The following IL1RAPL2 variants were observed in gnomAD, a reference collection of about 807,000 sequenced individuals.
IL1RAPL2 encodes X-linked interleukin-1 receptor accessory protein-like 2.
In IL1RAPL2, 3 loss-of-function variants were observed where a neutral mutation model predicts 44.1. The observed-to-expected ratio is 0.07, with a 90% CI of 0.03 to 0.18. The LOEUF (loss-of-function observed/expected upper bound fraction) is 0.18, where lower values mean the gene tolerates loss of function less well. Ranked by LOEUF, IL1RAPL2 falls within the 10% of genes least tolerant of loss-of-function variation. IL1RAPL2 has a pLI of 1.00. For missense variants in IL1RAPL2, 391 were observed against 496.4 expected (o/e 0.79, Z 2.02); for synonymous variants, 181 against 178.8 (o/e 1.01, Z -0.10).
At chrX:105,069,313 G>A (rs372355844) in intron 2 of IL1RAPL2, among the ~76,000 whole-genome samples, 6 of 112,566 alleles carry the variant, frequency 5.3e-5, no homozygotes, top group African/African-American at 1.9e-4. Context: ...AAAATATTAA[G>A]TGAATAAAAA....
chrX:105,085,541 C>T (rs1340070912), intron 2 of IL1RAPL2, among the ~76,000 whole-genome samples: 1 of 112,145 alleles, frequency 8.9e-6, no homozygotes, highest in Admixed American at 9.5e-5. Context: ...CAAGGGTGTA[C>T]AGAAAAGAGA....
intron 5 of IL1RAPL2, among the ~76,000 whole-genome samples, chrX:105,349,849 A>G (rs751284607): frequency 1.5e-3 from 170 of 111,889 alleles, no homozygotes; most frequent in South Asian, 3.4e-3. Context: ...TGTGGTTTAG[A>G]TATGATGAAC....
chrX:105,281,553 T>G (rs1457398442), intron 5 of IL1RAPL2, among the ~76,000 whole-genome samples: 1 of 112,065 alleles, frequency 8.9e-6, no homozygotes, highest in African/African-American at 3.2e-5. Flanking sequence ...TCCCATAAGA[T>G]TATAATACTG....
chrX:105,180,616 A>G (rs1209601016), intron 2 of IL1RAPL2, among the ~76,000 whole-genome samples: 2 of 111,838 alleles, frequency 1.8e-5, no homozygotes, highest in Non-Finnish European at 3.8e-5. Flanking sequence ...TTTGTCCTTC[A>G]GTCTGTTGAT....
At chrX:105,131,189 A>G (rs960647215) in intron 2 of IL1RAPL2, among the ~76,000 whole-genome samples, 1 of 110,408 alleles carries the variant, frequency 9.1e-6, no homozygotes, top group Admixed American at 9.7e-5. Flanking sequence ...TCTTAGCTTC[A>G]GTGTTGGAGA....
chrX:105,584,240 C>G (rs1048541488), intron 6 of IL1RAPL2, among the ~76,000 whole-genome samples: 2 of 111,510 alleles, frequency 1.8e-5, no homozygotes, highest in African/African-American at 6.5e-5. Context: ...GTCTATCTCT[C>G]TTTTCCATTC....
At chrX:105,529,674 A>G (rs1457194363) in intron 6 of IL1RAPL2, among the ~76,000 whole-genome samples, 2 of 111,809 alleles carry the variant, frequency 1.8e-5, no homozygotes. Flanking sequence ...ACTACCATCC[A>G]TCTCTAGAAT....
chrX:104,913,243 T>C (rs1924302463), intron 2 of IL1RAPL2, among the ~76,000 whole-genome samples: 1 of 111,569 alleles, frequency 9.0e-6, no homozygotes, highest in Non-Finnish European at 1.9e-5. Flanking sequence ...TCTAAGACTT[T>C]AAAATAATTC....
intron 6 of IL1RAPL2, among the ~76,000 whole-genome samples, chrX:105,636,621 G>A (rs1316579661): frequency 9.0e-6 from 1 of 111,281 alleles, no homozygotes; most frequent in African/African-American, 3.3e-5. Flanking sequence ...GCCAGGTTCT[G>A]TGCTACACAC....
intron 6 of IL1RAPL2, among the ~76,000 whole-genome samples, chrX:105,640,250 A>G (rs2037554544): frequency 9.1e-6 from 1 of 110,175 alleles, no homozygotes; most frequent in South Asian, 3.9e-4. Context: ...ATGAATTAGC[A>G]AAAAAGTTAG....
At chrX:105,044,276 A>C (rs1181230744) in intron 2 of IL1RAPL2, among the ~76,000 whole-genome samples, 1 of 111,293 alleles carries the variant, frequency 9.0e-6, no homozygotes, top group Non-Finnish European at 1.9e-5. Flanking sequence ...GGCCTACCAG[A>C]TCCTCCCAAG....
intron 7 of IL1RAPL2, 77 bp from the exon 8 acceptor site, chrX:105,740,469 G>A: frequency 9.8e-7 from 1 of 1,023,835 alleles, no homozygotes; most frequent in Non-Finnish European, 1.4e-6. Flanking sequence ...TGAGCTGTGT[G>A]ACCATCTGTA....
At chrX:104,916,703 G>A (rs1180640020) in intron 2 of IL1RAPL2, among the ~76,000 whole-genome samples, 4 of 111,292 alleles carry the variant, frequency 3.6e-5, no homozygotes, top group Non-Finnish European at 5.7e-5. Flanking sequence ...TTGGCTGTGG[G>A]TTTGTCACAG....
At position 104,611,293 on chromosome X, in the gene IL1RAPL2, A is replaced by G. The variant is rs1189273281; in HGVS notation, c.-20+44242A>G. ...CCCCCAGGTGCTCTGTCCCAGGGAGATGAGGGTTTTGTCTACAAGTCCCTG... is the reference window on the plus strand; with the variant it reads ...CCCCCAGGTGCTCTGTCCCAGGGAGGTGAGGGTTTTGTCTACAAGTCCCTG... On this transcript the variant is annotated intron_variant, in intron 1 of 10. Coordinates refer to ENST00000372582, the MANE Select transcript of IL1RAPL2 (RefSeq NM_017416.2). Among the ~76,000 whole-genome samples the G allele has an allele frequency of 2.1e-4, 23 of 111,049 alleles. No individual in the cohort carries two copies. The Admixed American group carries it at 2.2e-3, about 11-fold the overall frequency.
intron 1 of IL1RAPL2, among the ~76,000 whole-genome samples, chrX:104,634,384 A>G (rs866420865): frequency 4.5e-5 from 5 of 111,298 alleles, no homozygotes; most frequent in Non-Finnish European, 9.4e-5. Context: ...GCTGAGTTCA[A>G]TTCCTGGATA....
intron 2 of IL1RAPL2, among the ~76,000 whole-genome samples, chrX:104,788,413 C>A (rs921075471): frequency 1.5e-4 from 17 of 112,038 alleles, no homozygotes; most frequent in East Asian, 5.6e-4. Flanking sequence ...TAGAGCATTT[C>A]TCTGAGAGTT....
intron 2 of IL1RAPL2, among the ~76,000 whole-genome samples, chrX:105,164,880 T>C (rs1428156118): frequency 3.6e-5 from 4 of 112,246 alleles, no homozygotes; most frequent in Non-Finnish European, 7.5e-5. Context: ...TTAAATCACT[T>C]TGAACAGTTT....
intron 4 of IL1RAPL2, among the ~76,000 whole-genome samples, chrX:105,250,110 G>A (rs1171490361): frequency 9.0e-6 from 1 of 111,022 alleles, no homozygotes; most frequent in Admixed American, 9.7e-5. Context: ...GTCTGAAAAG[G>A]GTACGTACTG....
chrX:105,709,641 G>C (rs957199382), intron 6 of IL1RAPL2, among the ~76,000 whole-genome samples: 6 of 111,276 alleles, frequency 5.4e-5, no homozygotes, highest in African/African-American at 2.0e-4. Flanking sequence ...GAAGGGCTGG[G>C]GCTATAACGT....
Sources: allele counts gnomAD v4.1 joint callset (sites outside exome capture counted in the v4.1 genomes callset), GRCh38; gene constraint gnomAD v4.1.1; transcripts MANE v1.5; gene names NCBI Gene and HGNC (gene_info 2026-07-23, HGNC 2026-07-21).